Variants in OPRM1 observed in about 807,000 individuals in gnomAD.
The protein encoded by OPRM1 is mu-type opioid receptor.
In OPRM1, 27 loss-of-function variants were observed where a neutral mutation model predicts 31.8. The observed-to-expected ratio is 0.85, with a 90% CI of 0.63 to 1.17. The LOEUF (loss-of-function observed/expected upper bound fraction) is 1.17. Ranked by LOEUF, OPRM1 falls within the 50% of genes most tolerant of loss-of-function variation. OPRM1 has a pLI of 0.00. For synonymous variants in OPRM1, 196 were observed against 189.9 expected, an observed-to-expected ratio of 1.03 and a Z score of -0.26; for missense variants, 536 against 511.1, an observed-to-expected ratio of 1.05 and a Z score of -0.47.
exon 1 of OPRM1, chr6:154,010,773 G>A (rs890691446): frequency 3.8e-5 from 54 of 1,413,660 alleles, no homozygotes; most frequent in African/African-American, 1.6e-4. Flanking sequence ...AAGAGAATTC[G>A]GTCAAGTGGA....
At chr6:154,085,507 G>A (rs1790319544) in intron 1 of OPRM1, among the ~76,000 whole-genome samples, 1 of 152,186 alleles carries the variant, frequency 6.6e-6, no homozygotes, top group African/African-American at 2.4e-5. Context: ...TAATTAGAAA[G>A]AAATAGCTTG....
Position 154,090,130 on chromosome 6 carries a change from G to A in OPRM1, c.595G>A (p.Ala199Thr), listed in dbSNP as rs758974103. The A allele has an allele frequency of 1.9e-6, 3 of 1,613,978 alleles. No homozygotes were observed. The highest frequency in any genetic ancestry group is 2.2e-5 in the South Asian group (2 of 91,070). The part of the protein sequence containing the change: ...INVCNWILSS[A>T]IGLPVMFMAT... ...TGTCTGCAACTGGATCCTCTCTTCA[G>A]CCATTGGTCTTCCTGTAATGTTCAT... The change falls in exon 2 of 4, where the codon GCC becomes ACC. Residue 199 changes from alanine (A) to threonine (T), a missense_variant. Ala to Thr is a moderately conservative substitution (Grantham distance 58). Transcript: ENST00000330432.
intron 3 of OPRM1, among the ~76,000 whole-genome samples, chr6:154,116,584 CAA>C (rs1293710740): frequency 5.8e-4 from 42 of 72,824 alleles, no homozygotes; most frequent in Admixed American, 6.5e-4. Context: ...GACTCTGCCT[CAA>C]AAAAAAAAAA....
At chr6:154,246,513 T>TC (rs890749255) in intron 3 of OPRM1, 30 of 1,464,128 alleles carry the variant, frequency 2.0e-5, no homozygotes, top group Non-Finnish European at 2.6e-5. Context: ...AAATGAACTT[T>TC]CCCATAGGGA....
At chr6:154,038,477 T>C (rs768774241), upstream of OPRM1, among the ~76,000 whole-genome samples, 24 of 152,250 alleles carry the variant, frequency 1.6e-4, no homozygotes, top group Non-Finnish European at 2.9e-4. Flanking sequence ...CCATATATTA[T>C]GTGGCTTTTC....
At chr6:154,020,617 C>T (rs780190081) in intron 1 of OPRM1, among the ~76,000 whole-genome samples, 6 of 152,332 alleles carry the variant, frequency 3.9e-5, no homozygotes, top group South Asian at 4.1e-4. Flanking sequence ...TTTTGTCTTT[C>T]GGATTATGAT....
intron 3 of OPRM1, among the ~76,000 whole-genome samples, chr6:154,152,623 T>C (rs962688744): frequency 6.6e-6 from 1 of 151,362 alleles, no homozygotes; most frequent in African/African-American, 2.4e-5. Flanking sequence ...TTCTCAAAAG[T>C]GATTTTTTAA....
At chr6:154,029,001 CA>C (rs1205365261) in intron 1 of OPRM1, among the ~76,000 whole-genome samples, 1 of 151,910 alleles carries the variant, frequency 6.6e-6, no homozygotes, top group African/African-American at 2.4e-5. Flanking sequence ...GTGTTCTTAT[CA>C]GGGGGACAAT....
In OPRM1 at chr6:154,021,060, T is replaced by A. The variant is rs1340178800; in HGVS notation, c.-1+10042T>A. 3.3e-5 allele frequency among the ~76,000 whole-genome samples: 5 copies of A among 152,248 alleles called. No individual in the cohort carries two copies. In the East Asian group the frequency reaches 9.6e-4, roughly 29 times the overall value. On this transcript the variant is annotated intron_variant, in intron 1 of 5. Coordinates refer to the OPRM1 transcript ENST00000434900. Reference sequence around the variant, plus strand: ...AAACCCAAGGTCATCTAGATTTTCTTCTACACTATATTCTAGGAGTTTTAT... The same window carrying A: ...AAACCCAAGGTCATCTAGATTTTCTACTACACTATATTCTAGGAGTTTTAT...
chr6:154,224,095 A>G (rs1301933517), intron 3 of OPRM1, among the ~76,000 whole-genome samples: 2 of 152,212 alleles, frequency 1.3e-5, no homozygotes, highest in Admixed American at 1.3e-4. Context: ...TTTCATCTAC[A>G]CTGGTGTCTC....
chr6:154,096,339 C>A (rs751501593), intron 3 of OPRM1, among the ~76,000 whole-genome samples: 23 of 152,146 alleles, frequency 1.5e-4, no homozygotes, highest in Non-Finnish European at 3.1e-4. Flanking sequence ...AGATTCCAGA[C>A]GTGAGCCCCT....
rs138996429 is a variant in OPRM1 at position 154,061,332 on chromosome 6, C to T, written c.290+21498C>T. On this transcript the variant is annotated intron_variant, in intron 1 of 3. Coordinates refer to ENST00000330432, the MANE Select transcript of OPRM1 (RefSeq NM_000914.5). The stretch of plus-strand genomic sequence containing the variant: ...CCTCTCAACACTGCCATGTTACCCG[C>T]ACTGCGCTGTAACATCTAACACACC... Among the ~76,000 whole-genome samples the T allele has an allele frequency of 2.0e-3, 307 of 152,274 alleles. 4 individuals are homozygous for T. Among genetic ancestry groups the T allele is most frequent in the East Asian group, 2.5e-3 (13 of 5,182 alleles).
At position 154,127,444 on chromosome 6, in the gene OPRM1, G is replaced by A. The variant is rs1797656282; in HGVS notation, c.*8723G>A. On this transcript the variant is annotated 3_prime_UTR_variant, in exon 4 of 4. Coordinates refer to ENST00000330432, the MANE Select transcript of OPRM1 (RefSeq NM_000914.5). The stretch of plus-strand genomic sequence containing the variant: ...TTTGTTTGGGTTTTTTGTTGCTGTT[G>A]CTTGTTTATTTGTTTGTTGTGTTTA... Among the ~76,000 whole-genome samples the A allele has an allele frequency of 6.6e-6, 1 of 152,136 alleles. No homozygotes were observed. Among genetic ancestry groups the A allele is most frequent in the Admixed American group, 6.5e-5 (1 of 15,274 alleles).
At chr6:154,187,888 C>T (rs189029619) in intron 3 of OPRM1, among the ~76,000 whole-genome samples, 1 of 152,124 alleles carries the variant, frequency 6.6e-6, no homozygotes, top group Non-Finnish European at 1.5e-5. Context: ...AACTTGGTGG[C>T]AGAGGTGATG....
At chr6:154,110,666 A>G (rs1399332895) in intron 3 of OPRM1, among the ~76,000 whole-genome samples, 1 of 152,092 alleles carries the variant, frequency 6.6e-6, no homozygotes, top group African/African-American at 2.4e-5. Flanking sequence ...AAGTGGGTGG[A>G]TCACGAGGTC....
intron 1 of OPRM1, among the ~76,000 whole-genome samples, chr6:154,042,392 G>A (rs909513062): frequency 6.6e-6 from 1 of 152,180 alleles, no homozygotes; most frequent in Non-Finnish European, 1.5e-5. Context: ...ATTAAGTATT[G>A]AGGAGAAATG....
Position 154,118,933 on chromosome 6 carries a change from A to G in OPRM1, c.*212A>G. ...GCATTTGGAAGGAAAGGAATATACC[A>G]CACCGAGGAGTCCAGTTTGTGCAAG... On this transcript the variant is annotated 3_prime_UTR_variant, in exon 4 of 4. Transcript: ENST00000330432. 7.6e-7 allele frequency: 1 copy of G among 1,321,488 alleles called. No individual in the cohort carries two copies. Among genetic ancestry groups the G allele is most frequent in the Non-Finnish European group, 9.6e-7 (1 of 1,037,316 alleles). 81.9% of individuals were successfully genotyped at this position (1,321,488 alleles called of 1,614,324 possible). A position where few individuals can be genotyped will look rare whatever the true frequency, so the allele number is the denominator to read the frequency against.
At chr6:154,241,986 A>G (rs1296887011) in intron 3 of OPRM1, among the ~76,000 whole-genome samples, 1 of 152,136 alleles carries the variant, frequency 6.6e-6, no homozygotes, top group South Asian at 2.1e-4. Context: ...CAGTTCTGCT[A>G]TTTACTCCTT....
At chr6:154,100,107 A>AT (rs1794476716) in intron 3 of OPRM1, among the ~76,000 whole-genome samples, 8 of 14,794 alleles carry the variant, frequency 5.4e-4, no homozygotes, top group African/African-American at 1.3e-3. Context: ...TATGATATAT[A>AT]TATTATATAT....
Sources: allele counts gnomAD v4.1 joint callset (sites outside exome capture counted in the v4.1 genomes callset), GRCh38; gene constraint gnomAD v4.1.1; transcripts MANE v1.5; gene names NCBI Gene and HGNC (gene_info 2026-07-23, HGNC 2026-07-21).